Variants in GALNT13 observed in about 807,000 individuals in gnomAD.
The protein encoded by GALNT13 is UDP-GalNAc:polypeptide N-acetylgalactosaminyltransferase 13.
A neutral mutation model predicts 64.2 loss-of-function variants in GALNT13; 28 were observed. The ratio of observed to expected loss-of-function variants is 0.44; its 90% CI spans 0.32 to 0.60. The LOEUF is 0.60. Ranked by LOEUF, GALNT13 falls within the 20% of genes least tolerant of loss-of-function variation. GALNT13 has a pLI of 0.05. For missense variants in GALNT13, 577 were observed against 669.8 expected, an observed-to-expected ratio of 0.86 and a Z score of 1.53; for synonymous variants, 214 against 224.6, an observed-to-expected ratio of 0.95 and a Z score of 0.42.
chr2:154,348,900 GAA>G (rs1170061821), intron 9 of GALNT13, among the ~76,000 whole-genome samples: 2 of 152,136 alleles, frequency 1.3e-5, no homozygotes, highest in Admixed American at 1.3e-4. Context: ...TCATGGAAAT[GAA>G]AAGACTAGTG....
the GALNT13 span, among the ~76,000 whole-genome samples, chr2:153,758,646 G>A: frequency 2.6e-5 from 4 of 152,164 alleles, no homozygotes; most frequent in East Asian, 7.7e-4. Flanking sequence ...AGGCTGGAGT[G>A]CAATGGCATG....
At chr2:153,137,159 T>G in the GALNT13 span, among the ~76,000 whole-genome samples, 1 of 152,078 alleles carries the variant, frequency 6.6e-6, no homozygotes, top group Non-Finnish European at 1.5e-5. Context: ...GTAAATAAAG[T>G]TCAAAATTTT....
the GALNT13 span, among the ~76,000 whole-genome samples, chr2:153,360,911 C>T: frequency 6.6e-6 from 1 of 152,124 alleles, no homozygotes; most frequent in Non-Finnish European, 1.5e-5. Flanking sequence ...CCTTTGCCAC[C>T]CAACTGGGTA....
the GALNT13 span, among the ~76,000 whole-genome samples, chr2:153,455,052 G>T: frequency 6.6e-6 from 1 of 152,176 alleles, no homozygotes; most frequent in Admixed American, 6.5e-5. Flanking sequence ...AATATAACCT[G>T]AAAGTGAATA....
the GALNT13 span, among the ~76,000 whole-genome samples, chr2:153,595,621 AGATTC>A: frequency 1.3e-5 from 2 of 152,070 alleles, no homozygotes; most frequent in Non-Finnish European, 2.9e-5. Context: ...CGATATAAAA[AGATTC>A]ATCAGAAATA....
intron 8 of GALNT13, chr2:154,287,391 T>G (rs1692331944): frequency 2.0e-6 from 1 of 504,750 alleles, no homozygotes; most frequent in South Asian, 1.8e-5. Flanking sequence ...TACCTGCCTG[T>G]GGGGCAGTCC....
chr2:153,557,114 G>T, the GALNT13 span, among the ~76,000 whole-genome samples: 1 of 151,988 alleles, frequency 6.6e-6, no homozygotes, highest in Admixed American at 6.6e-5. Context: ...ATATGATGGT[G>T]GTCCCATAAG....
chr2:154,308,697 C>T (rs1693873069), intron 9 of GALNT13, among the ~76,000 whole-genome samples: 1 of 151,980 alleles, frequency 6.6e-6, no homozygotes, highest in Admixed American at 6.6e-5. Context: ...CATGCTTTTT[C>T]AGCAGCAGCA....
At chr2:154,101,414 C>T (rs1251922291) in intron 3 of GALNT13, among the ~76,000 whole-genome samples, 1 of 151,814 alleles carries the variant, frequency 6.6e-6, no homozygotes. Context: ...GTATCCATTT[C>T]TTTAAGTTTT....
At chr2:153,626,930 G>A in the GALNT13 span, among the ~76,000 whole-genome samples, 1 of 152,088 alleles carries the variant, frequency 6.6e-6, no homozygotes, top group African/African-American at 2.4e-5. Flanking sequence ...AATAACATAT[G>A]TAATAATATT....
the GALNT13 span, among the ~76,000 whole-genome samples, chr2:153,749,303 C>T: frequency 6.6e-6 from 1 of 151,758 alleles, no homozygotes; most frequent in African/African-American, 2.4e-5. Flanking sequence ...GCATTGATTG[C>T]TTTTACTCAG....
chr2:154,379,685 G>C (rs1698174452), intron 9 of GALNT13, among the ~76,000 whole-genome samples: 1 of 152,034 alleles, frequency 6.6e-6, no homozygotes, highest in African/African-American at 2.4e-5. Flanking sequence ...TTGTCAAACA[G>C]AAATCTATAA....
the GALNT13 span, among the ~76,000 whole-genome samples, chr2:153,160,078 G>A: frequency 2.6e-5 from 4 of 152,314 alleles, no homozygotes; most frequent in Admixed American, 2.6e-4. Context: ...AAAAAAGGAA[G>A]CAATCTTGGG....
At chr2:153,721,600 A>T in the GALNT13 span, among the ~76,000 whole-genome samples, 1 of 149,778 alleles carries the variant, frequency 6.7e-6, no homozygotes, top group Admixed American at 6.6e-5. Context: ...GGCTCAAAAT[A>T]AAAGGATGGA....
chr2:153,132,605 T>G, the GALNT13 span, among the ~76,000 whole-genome samples: 3 of 152,184 alleles, frequency 2.0e-5, no homozygotes, highest in African/African-American at 7.2e-5. Context: ...TCTGCTCTGA[T>G]TAGTATATCG....
the GALNT13 span, among the ~76,000 whole-genome samples, chr2:153,176,637 T>G: frequency 1.3e-5 from 2 of 151,824 alleles, no homozygotes; most frequent in East Asian, 3.9e-4. Flanking sequence ...TGTCTAATTA[T>G]CTATTTAGAT....
chr2:153,095,341 G>A, the GALNT13 span, among the ~76,000 whole-genome samples: 6 of 152,112 alleles, frequency 3.9e-5, no homozygotes, highest in South Asian at 1.0e-3. Flanking sequence ...ACAATGAGAT[G>A]CCATCTCATA....
chr2:153,330,717 T>C, the GALNT13 span, among the ~76,000 whole-genome samples: 1 of 152,140 alleles, frequency 6.6e-6, no homozygotes, highest in East Asian at 1.9e-4. Flanking sequence ...ATCATATCAT[T>C]CACAGCGAGA....
At chr2:153,880,180 T>G (rs1182078489) in intron 1 of GALNT13, among the ~76,000 whole-genome samples, 2 of 152,172 alleles carry the variant, frequency 1.3e-5, no homozygotes, top group African/African-American at 4.8e-5. Context: ...TTGGGGAAAT[T>G]CTACCTAAAT....
Sources: gnomAD v4.1 joint callset for allele counts (sites outside exome capture counted in the v4.1 genomes callset) on GRCh38, gnomAD v4.1.1 for gene constraint, MANE v1.5 for transcripts, NCBI Gene and HGNC (gene_info 2026-07-23, HGNC 2026-07-21) for gene names.